The following NTRK3 variants were observed in gnomAD, a reference collection of about 807,000 sequenced individuals.
The protein encoded by NTRK3 is NT-3 growth factor receptor.
In NTRK3, 24 loss-of-function variants were observed where a neutral mutation model predicts 91.7. That is an observed-to-expected ratio of 0.26 (90% CI 0.19 to 0.37). NTRK3 has a LOEUF of 0.37. Ranked by LOEUF, NTRK3 falls within the 10% of genes least tolerant of loss-of-function variation. The pLI is 1.00. For missense variants in NTRK3, 880 were observed against 1,068.9 expected (o/e 0.82, Z 2.46); for synonymous variants, 483 against 404.0 (o/e 1.20, Z -2.34).
chr15:88,197,408 A>T (rs545992376), intron 3 of NTRK3, among the ~76,000 whole-genome samples: 3 of 152,254 alleles, frequency 2.0e-5, no homozygotes, highest in African/African-American at 7.2e-5. Context: ...TCTAGGCTCC[A>T]TTTTTTACAA....
chr15:88,103,967 T>A (rs763192928), intron 13 of NTRK3, among the ~76,000 whole-genome samples: 5 of 152,202 alleles, frequency 3.3e-5, no homozygotes, highest in South Asian at 2.1e-4. Context: ...AACTGGCCAC[T>A]GACTTAGGTT....
At chr15:88,154,110 CAAA>C (rs397736752) in intron 5 of NTRK3, among the ~76,000 whole-genome samples, 3 of 86,596 alleles carry the variant, frequency 3.5e-5, no homozygotes, top group African/African-American at 1.2e-4. Flanking sequence ...ATAGACTTTG[CAAA>C]AAAAAAAAAA....
intron 14 of NTRK3, among the ~76,000 whole-genome samples, chr15:88,015,506 C>T (rs2077172650): frequency 6.6e-6 from 1 of 152,168 alleles, no homozygotes; most frequent in African/African-American, 2.4e-5. Context: ...CTCAAACACT[C>T]TCCCCTCTGT....
At chr15:87,991,857 C>T (rs1484653339) in intron 14 of NTRK3, among the ~76,000 whole-genome samples, 1 of 151,910 alleles carries the variant, frequency 6.6e-6, no homozygotes, top group African/African-American at 2.4e-5. Flanking sequence ...TTCCCTAAGC[C>T]TCAGTTTCCC....
At chr15:88,159,528 T>A (rs893276256) in intron 5 of NTRK3, among the ~76,000 whole-genome samples, 1 of 152,310 alleles carries the variant, frequency 6.6e-6, no homozygotes, top group East Asian at 1.9e-4. Flanking sequence ...GAACCACACT[T>A]TAAGAACCAC....
chr15:88,201,318 G>A (rs925687812), intron 3 of NTRK3, among the ~76,000 whole-genome samples: 1 of 152,156 alleles, frequency 6.6e-6, no homozygotes, highest in African/African-American at 2.4e-5. Context: ...AATTCAAAAT[G>A]ACTAAAAGCT....
chr15:88,073,998 G>C (rs1006690064), intron 13 of NTRK3, among the ~76,000 whole-genome samples: 2 of 152,218 alleles, frequency 1.3e-5, no homozygotes, highest in African/African-American at 4.8e-5. Flanking sequence ...AATGGAAACT[G>C]ATCTGTAGAA....
At chr15:87,904,961 C>A (rs934565863) in intron 17 of NTRK3, among the ~76,000 whole-genome samples, 5 of 152,132 alleles carry the variant, frequency 3.3e-5, no homozygotes, top group Non-Finnish European at 7.4e-5. Context: ...ATGAATGATG[C>A]TTTCCTCCTC....
At chr15:88,069,791 A>T (rs1403015070) in intron 13 of NTRK3, among the ~76,000 whole-genome samples, 3 of 152,214 alleles carry the variant, frequency 2.0e-5, no homozygotes, top group African/African-American at 7.2e-5. Context: ...TACATGGTAC[A>T]CGTCCAAATA....
intron 5 of NTRK3, among the ~76,000 whole-genome samples, chr15:88,161,922 T>C (rs78487591): frequency 2.6e-4 from 39 of 152,312 alleles, no homozygotes; most frequent in African/African-American, 8.4e-4. Flanking sequence ...TTCCTGCTTC[T>C]AATCTGCCCT....
chr15:88,243,218 G>T lies in NTRK3; in HGVS notation c.248+12688C>A, dbSNP rs1010403101. On this transcript the variant is annotated intron_variant, in intron 3 of 18. Coordinates refer to ENST00000394480, the Ensembl canonical transcript of NTRK3. The surrounding 1 kb of genome is among the most constrained non-coding windows in gnomAD (Gnocchi z 4.8). The stretch of plus-strand genomic sequence containing the variant: ...CCCTTGCCCCCTCCCCACTTCTTAT[G>T]TTATTTCCCTCTCTGTGTCTTATCG... Among the ~76,000 whole-genome samples the T allele has an allele frequency of 1.3e-5, 2 of 152,118 alleles. No homozygotes were observed. Among genetic ancestry groups the T allele is most frequent in the Non-Finnish European group, 2.9e-5 (2 of 68,018 alleles).
At chr15:87,991,324 C>T (rs1464669242) in intron 14 of NTRK3, among the ~76,000 whole-genome samples, 3 of 152,168 alleles carry the variant, frequency 2.0e-5, no homozygotes, top group South Asian at 2.1e-4. Context: ...CAGGCTCCAT[C>T]CAAAACCTAC....
chr15:88,224,478 T>A (rs1322847335), intron 3 of NTRK3, among the ~76,000 whole-genome samples: 2 of 152,198 alleles, frequency 1.3e-5, no homozygotes, highest in Non-Finnish European at 1.5e-5. Context: ...GGACCTTGGG[T>A]ACATTATGAA....
intron 5 of NTRK3, among the ~76,000 whole-genome samples, chr15:88,166,563 C>T (rs1193551153): frequency 1.3e-5 from 2 of 152,144 alleles, no homozygotes; most frequent in East Asian, 3.9e-4. Context: ...TGGTGCTGAA[C>T]CCCCAGGGAC....
chr15:88,158,083 T>A (rs2044087533), intron 5 of NTRK3, among the ~76,000 whole-genome samples: 1 of 152,216 alleles, frequency 6.6e-6, no homozygotes, highest in African/African-American at 2.4e-5. Context: ...TTCACCTCTC[T>A]GTACCTCAGT....
intron 3 of NTRK3, among the ~76,000 whole-genome samples, chr15:88,239,478 T>C: frequency 6.6e-6 from 1 of 152,172 alleles, no homozygotes; most frequent in South Asian, 2.1e-4. Context: ...TTTTTACAAA[T>C]CCACTTGAGT....
At position 88,127,646 on chromosome 15, in the gene NTRK3, A is replaced by C. The variant is rs150584343; in HGVS notation, c.1229-420T>G. On this transcript the variant is annotated intron_variant, in intron 11 of 18. Transcript: ENST00000394480. ...TGCTGACATTCTGCTACTCCTTGCC[A>C]CAGGCATTCCTTTTCCTCTCCCTGC... is the stretch of plus-strand genomic sequence containing the variant. Among the ~76,000 whole-genome samples the C allele has an allele frequency of 6.4e-3, 968 of 152,290 alleles. 12 individuals are homozygous for C. The highest frequency in any genetic ancestry group is 0.022 in the African/African-American group (914 of 41,560).
At chr15:88,249,278 A>G (rs2053133678) in intron 3 of NTRK3, among the ~76,000 whole-genome samples, 1 of 152,148 alleles carries the variant, frequency 6.6e-6, no homozygotes, top group African/African-American at 2.4e-5. Flanking sequence ...GGCCTCATCG[A>G]GTTGATTTCT....
intron 13 of NTRK3, among the ~76,000 whole-genome samples, chr15:88,111,955 G>A (rs2051426289): frequency 6.7e-6 from 1 of 149,786 alleles, no homozygotes; most frequent in African/African-American, 2.5e-5. Context: ...CACCCAGGCT[G>A]GAGTGCAGTG....
Sources: allele counts gnomAD v4.1 joint callset (sites outside exome capture counted in the v4.1 genomes callset), GRCh38; gene constraint gnomAD v4.1.1; non-coding constraint Gnocchi (gnomAD v3.1); transcripts MANE v1.5; gene names NCBI Gene and HGNC (gene_info 2026-07-23, HGNC 2026-07-21).